Variants in CYGB observed in about 807,000 individuals in gnomAD.
CYGB encodes histoglobin.
Under a neutral mutation model 20.7 loss-of-function variants are expected in CYGB, and 13 were observed. That is an observed-to-expected ratio of 0.63 (90% CI 0.41 to 1.00). The LOEUF (loss-of-function observed/expected upper bound fraction) is 1.00, where lower values mean the gene tolerates loss of function less well. Among genes scored for constraint, CYGB ranks in the 50% least tolerant of loss-of-function variants. CYGB has a pLI of 0.00. For synonymous variants in CYGB, 93 were observed against 107.4 expected (o/e 0.87, Z 0.83); for missense variants, 218 against 257.2 (o/e 0.85, Z 1.04).
upstream of CYGB, among the ~76,000 whole-genome samples, chr17:76,539,873 A>C (rs898710042): frequency 6.6e-6 from 1 of 152,180 alleles, no homozygotes; most frequent in African/African-American, 2.4e-5. Flanking sequence ...GCCCAGTCTC[A>C]TCAGATCGAG....
rs1244258018 is a variant in CYGB, at chr17:76,528,497, G to A, written c.*81C>T. ...ATTCCTCCAGCTTCCTTGGCACCCA[G>A]AAATGGAGCGTCAAGGAGGGTCTTC... On this transcript the variant is annotated 3_prime_UTR_variant, in exon 4 of 4. Transcript: ENST00000293230. The surrounding 1 kb of genome is among the most constrained non-coding windows in gnomAD (Gnocchi z 5.8). 1.7e-6 allele frequency: 2 copies of A among 1,187,642 alleles called. No homozygotes were observed. The highest frequency in any genetic ancestry group is 1.6e-5 in the African/African-American group (1 of 62,990). 73.6% of individuals were successfully genotyped at this position (1,187,642 alleles called of 1,614,324 possible). A position where few individuals can be genotyped will look rare whatever the true frequency, so the allele number is the denominator to read the frequency against.
chr17:76,549,706 TGA>T (rs1468547264), intron 1 of CYGB, among the ~76,000 whole-genome samples: 2 of 152,280 alleles, frequency 1.3e-5, no homozygotes, highest in Non-Finnish European at 2.9e-5. Flanking sequence ...ATAAACACAC[TGA>T]GATATATAAA....
In CYGB at chr17:76,530,445, C is replaced by T. The variant is rs545905226; in HGVS notation, c.539+534G>A. Reference sequence around the variant, plus strand: ...ATGCCCCTGCTCGTGTGCGTGTGAGCGACACCCATGTAGCTTCCTCGTGGG... The same window carrying T: ...ATGCCCCTGCTCGTGTGCGTGTGAGTGACACCCATGTAGCTTCCTCGTGGG... On this transcript the variant is annotated intron_variant, in intron 3 of 3. Coordinates refer to ENST00000293230, the MANE Select transcript of CYGB (RefSeq NM_134268.5). The surrounding 1 kb of genome is among the most constrained non-coding windows in gnomAD (Gnocchi z 6.1). Among the ~76,000 whole-genome samples, 36 of 152,264 alleles carry T rather than the reference C, an allele frequency of 2.4e-4. No individual in the cohort carries two copies. The highest frequency in any genetic ancestry group is 6.2e-4 in the South Asian group (3 of 4,822).
At chr17:76,537,369 C>T in intron 1 of CYGB, 31 bp downstream of exon 1, 2 of 1,566,608 alleles carry the variant, frequency 1.3e-6, no homozygotes, top group African/African-American at 1.4e-5. Flanking sequence ...CCCTCCCTGC[C>T]CAGGGCCCGG....
upstream of CYGB, chr17:76,538,460 G>C (rs1239765950): frequency 4.3e-6 from 2 of 460,750 alleles, no homozygotes; most frequent in Non-Finnish European, 9.0e-6. Flanking sequence ...GCACGAACGC[G>C]GCGGCGGCGG....
rs1290410719 is a variant in CYGB at position 76,546,879 on chromosome 17, A to T, written c.-53+3983T>A. On this transcript the variant is annotated intron_variant, in intron 1 of 3. Coordinates refer to the CYGB transcript ENST00000589145. The surrounding 1 kb of genome is among the most constrained non-coding windows in gnomAD (Gnocchi z 4.5). ...CAATAAGGAAAGTGAGGTTCACAGA[A>T]CTTGCTCAAGGTCACTCATAGCTGG... The T allele has an allele frequency of 1.3e-5, 2 of 152,208 alleles. No individual in the cohort carries two copies. Among genetic ancestry groups the T allele is most frequent in the Admixed American group, 1.3e-4 (2 of 15,286 alleles). The allele number at this position is 152,208 out of a possible 1,614,324, so 9.4% of individuals were successfully genotyped here.
At position 76,546,691 on chromosome 17, in the gene CYGB, AG is replaced by A. The variant is rs1215882437; in HGVS notation, c.-53+4170del. On this transcript the variant is annotated intron_variant, in intron 1 of 3. Transcript: ENST00000589145. The surrounding 1 kb of genome is among the most constrained non-coding windows in gnomAD (Gnocchi z 4.5). ...GCTTCTTTGTGAACCTCAGAAGAAC[AG>A]TTTGGTTCGCACGGAAGCTTATGTT... is the stretch of plus-strand genomic sequence containing the variant. 1 of 152,208 alleles carries A rather than the reference AG, an allele frequency of 6.6e-6. No individual in the cohort carries two copies. The highest frequency in any genetic ancestry group is 2.4e-5 in the African/African-American group (1 of 41,448). The allele number at this position is 152,208 out of a possible 1,614,324, so 9.4% of individuals were successfully genotyped here.
intron 1 of CYGB, chr17:76,544,054 T>C (rs534548559): frequency 2.2e-6 from 1 of 454,786 alleles, no homozygotes; most frequent in East Asian, 6.9e-5. Flanking sequence ...TGCCCCCAGC[T>C]GCTCTGCCAT....
In CYGB at chr17:76,527,623, G is replaced by A. The variant is rs1314428569; in HGVS notation, c.*955C>T. 2.2e-6 allele frequency: 1 copy of A among 453,570 alleles called. No individual in the cohort carries two copies. The highest frequency in any genetic ancestry group is 2.0e-5 in the African/African-American group (1 of 49,946). 28.1% of individuals were successfully genotyped at this position (453,570 alleles called of 1,614,324 possible). A position where few individuals can be genotyped will look rare whatever the true frequency, so the allele number is the denominator to read the frequency against. On this transcript the variant is annotated 3_prime_UTR_variant, in exon 4 of 4. Coordinates refer to ENST00000293230, the MANE Select transcript of CYGB (RefSeq NM_134268.5). ...GACTGCCGGCCAGGAGGAGGGTGGG[G>A]TGGGGAAAGCCCTCGGCCCTCGGAG...
chr17:76,527,607 C>G lies in CYGB; in HGVS notation c.*971G>C, dbSNP rs1182352578. The G allele has an allele frequency of 2.2e-6, 1 of 453,088 alleles. No individual in the cohort carries two copies. The allele number at this position is 453,088 out of a possible 1,614,324, so 28.1% of individuals were successfully genotyped here. A position where few individuals can be genotyped will look rare whatever the true frequency, so the allele number is the denominator to read the frequency against. ...ATGAATAGACAGGGCCGACTGCCGGCCAGGAGGAGGGTGGGGTGGGGAAAG... is the reference window on the plus strand; with the variant it reads ...ATGAATAGACAGGGCCGACTGCCGGGCAGGAGGAGGGTGGGGTGGGGAAAG... On this transcript the variant is annotated 3_prime_UTR_variant, in exon 4 of 4. Transcript: ENST00000293230.
upstream of CYGB, chr17:76,540,257 G>GGGC: frequency 8.6e-7 from 1 of 1,159,348 alleles, no homozygotes. This position sits in a 1 kb window ranked among gnomAD's most constrained non-coding sequence, Gnocchi z 5.0. Flanking sequence ...TGGTCGGGGG[G>GGGC]GGGGGGCATG....
At chr17:76,549,345 C>G (rs936629429) in intron 1 of CYGB, among the ~76,000 whole-genome samples, 1 of 152,212 alleles carries the variant, frequency 6.6e-6, no homozygotes, top group Admixed American at 6.5e-5. Context: ...GTTCGACATG[C>G]GGCTGGGCGC....
chr17:76,550,620 A>G (rs1405589407), intron 1 of CYGB: 1 of 152,246 alleles, frequency 6.6e-6, no homozygotes, highest in Admixed American at 6.5e-5. Flanking sequence ...TTGTGGTTAC[A>G]TGGGTCTATA....
intron 1 of CYGB, among the ~76,000 whole-genome samples, chr17:76,534,146 T>TTCTCTTTCTCTCTCTC (rs2074886102): frequency 1.6e-5 from 2 of 128,902 alleles, no homozygotes; most frequent in Non-Finnish European, 3.3e-5. Context: ...CTCTTTCTCT[T>TTCTCTTTCTCTCTCTC]TCTCTCTCTC....
intron 3 of CYGB, chr17:76,529,330 C>A: frequency 1.0e-6 from 1 of 985,442 alleles, no homozygotes; most frequent in South Asian, 4.7e-5. Context: ...CCATGGGGTG[C>A]CAGTTTCCAC....
chr17:76,530,142 G>GAATGTTTCTC lies in CYGB; in HGVS notation c.539+836_539+837insGAGAAACATT. Reference sequence around the variant, plus strand: ...CCACGGGAATGTTTCTCTACCACGCGTGTCCCGGGCTGCTGGCTGACCTCT... The same window carrying GAATGTTTCTC: ...CCACGGGAATGTTTCTCTACCACGCGAATGTTTCTCTGTCCCGGGCTGCTGGCTGACCTCT... On this transcript the variant is annotated intron_variant, in intron 3 of 3. Transcript: ENST00000293230. This position sits in a 1 kb window ranked among gnomAD's most constrained non-coding sequence, Gnocchi z 6.1. 13 of 965,464 alleles carry GAATGTTTCTC rather than the reference G, an allele frequency of 1.3e-5. No homozygotes were observed. Among genetic ancestry groups the GAATGTTTCTC allele is most frequent in the South Asian group, 9.6e-5 (2 of 20,892 alleles). 59.8% of individuals were successfully genotyped at this position (965,464 alleles called of 1,614,324 possible). A position where few individuals can be genotyped will look rare whatever the true frequency, so the allele number is the denominator to read the frequency against.
upstream of CYGB, chr17:76,540,144 G>C (rs1324785872): frequency 6.2e-7 from 1 of 1,603,420 alleles, no homozygotes; most frequent in Non-Finnish European, 8.5e-7. The surrounding 1 kb of genome is among the most constrained non-coding windows in gnomAD (Gnocchi z 5.0). Flanking sequence ...GCTGCGCCAT[G>C]TGCACCACCC....
upstream of CYGB, chr17:76,540,230 G>A (rs754493922): frequency 8.3e-6 from 13 of 1,570,956 alleles, no homozygotes; most frequent in South Asian, 3.5e-5. This position sits in a 1 kb window ranked among gnomAD's most constrained non-coding sequence, Gnocchi z 5.0. Flanking sequence ...GAAACTGACC[G>A]GGCTATGGCT....
upstream of CYGB, among the ~76,000 whole-genome samples, chr17:76,541,331 C>T (rs1450545017): frequency 1.3e-5 from 2 of 152,086 alleles, no homozygotes; most frequent in African/African-American, 4.8e-5. Context: ...TTTTTTGCTC[C>T]CAGTGAAACA....
Sources: allele counts gnomAD v4.1 joint callset (sites outside exome capture counted in the v4.1 genomes callset), GRCh38; gene constraint gnomAD v4.1.1; non-coding constraint Gnocchi (gnomAD v3.1); transcripts MANE v1.5; gene names NCBI Gene and HGNC (gene_info 2026-07-23, HGNC 2026-07-21).